Variants in RNF207 observed in about 807,000 individuals in gnomAD.
RNF207 encodes OTTHUMG00000001089.
A neutral mutation model predicts 79.0 loss-of-function variants in RNF207; 72 were observed. The observed-to-expected ratio is 0.91, with a 90% CI of 0.75 to 1.11. The LOEUF (loss-of-function observed/expected upper bound fraction) is 1.11. RNF207 is among the 50% of genes least tolerant of loss of function. The probability of loss-of-function intolerance (pLI) is 0.00; values close to 1 mark genes in which losing one functional copy is unlikely to be tolerated. For synonymous variants in RNF207, 348 were observed against 366.2 expected (o/e 0.95, Z 0.57); for missense variants, 936 against 855.8 (o/e 1.09, Z -1.17).
Position 6,212,321 on chromosome 1 carries a change from A to T in RNF207, c.1387A>T (p.Ile463Phe), listed in dbSNP as rs374585323. ...GCACCACTCGCTCATCAAGGCGGAG[A>T]TCATGGGAGACGTCCTGCACAAGTC... ...TKHHSLIKAE[I>F]MGDVLHKSLQ... is the part of the protein sequence containing the mutation. Residue 463 changes from isoleucine (I) to phenylalanine (F), a missense_variant, in exon 14 of 18, where the codon ATC (isoleucine) becomes TTC (phenylalanine). Physicochemically the swap from Ile to Phe is conservative, Grantham distance 21. Coordinates refer to ENST00000377939, the MANE Select transcript of RNF207 (RefSeq NM_207396.3). The T allele has an allele frequency of 3.3e-5, 53 of 1,613,536 alleles. No individual in the cohort carries two copies. Among genetic ancestry groups the T allele is most frequent in the Non-Finnish European group, 4.5e-5 (53 of 1,179,940 alleles).
In RNF207 at chr1:6,211,012, G is replaced by C. The variant is rs772719030; in HGVS notation, c.1012-9G>C. 2 of 1,606,054 alleles carry C rather than the reference G, an allele frequency of 1.2e-6. No individual in the cohort carries two copies. The highest frequency in any genetic ancestry group is 2.2e-5 in the East Asian group (1 of 44,610). ...GGAGGCCACCTCATGACCCCATCCC[G>C]CTGCCCAGATTGCCAGTGACCACCG... On this transcript the variant is annotated splice_polypyrimidine_tract_variant and intron_variant, in intron 11 of 17. Transcript: ENST00000377939. This position sits in a 1 kb window ranked among gnomAD's most constrained non-coding sequence, Gnocchi z 4.2.
In RNF207 at chr1:6,211,089, G is replaced by A; in HGVS notation, c.1080G>A (p.Arg360=). ...CACTGCTGCTGCTGGGGCCACGTCG[G>A]GTGGCAGCTGCTGCAAGTGGTGCTA... is the stretch of plus-strand genomic sequence containing the variant. ...LEPLLLLGPR[R]VAAAASGANT... is the part of the protein sequence containing the mutation. Residue 360 remains arginine, a synonymous_variant, in exon 12 of 18, where the codon CGG becomes CGA. Coordinates refer to ENST00000377939, the MANE Select transcript of RNF207 (RefSeq NM_207396.3). The surrounding 1 kb of genome is among the most constrained non-coding windows in gnomAD (Gnocchi z 4.2). The A allele has an allele frequency of 6.2e-7, 1 of 1,601,828 alleles. No individual in the cohort carries two copies. Among genetic ancestry groups the A allele is most frequent in the Non-Finnish European group, 8.5e-7 (1 of 1,178,094 alleles).
intron 15 of RNF207, 66 bp downstream of exon 15, chr1:6,212,799 G>A: frequency 7.4e-7 from 1 of 1,342,628 alleles, no homozygotes; most frequent in Non-Finnish European, 1.1e-6. Flanking sequence ...TAGCAGAGGA[G>A]GAAGTCAGAG....
intron 16 of RNF207, among the ~76,000 whole-genome samples, chr1:6,213,752 G>A (rs1430854613): frequency 6.6e-6 from 1 of 152,198 alleles, no homozygotes; most frequent in African/African-American, 2.4e-5. Context: ...AGGACATGGA[G>A]GAGAGGGCAG....
rs1667938341 is a variant in RNF207, at chr1:6,207,087, A to G, written c.192-292A>G. Reference sequence around the variant, plus strand: ...AGTTTCAGTTATGTGGGCTCAAGGAACCCAGGAGTGGCTCTGATTTGCCCA... The same window carrying G: ...AGTTTCAGTTATGTGGGCTCAAGGAGCCCAGGAGTGGCTCTGATTTGCCCA... On this transcript the variant is annotated intron_variant, in intron 2 of 17. Coordinates refer to ENST00000377939, the MANE Select transcript of RNF207 (RefSeq NM_207396.3). The surrounding 1 kb of genome is among the most constrained non-coding windows in gnomAD (Gnocchi z 4.5). 6.6e-6 allele frequency among the ~76,000 whole-genome samples: 1 copy of G among 152,130 alleles called. No individual in the cohort carries two copies. Among genetic ancestry groups the G allele is most frequent in the African/African-American group, 2.4e-5 (1 of 41,430 alleles).
Position 6,219,373 on chromosome 1 carries a change from G to T in RNF207, c.1871G>T (p.Gly624Val). The T allele has an allele frequency of 6.2e-7, 1 of 1,610,518 alleles. No homozygotes were observed. The highest frequency in any genetic ancestry group is 8.5e-7 in the Non-Finnish European group (1 of 1,178,746). Residue 624 changes from glycine (G) to valine (V), a missense_variant, in exon 18 of 18, where the codon GGC becomes GTC. By Grantham distance (109) the Gly-to-Val change is moderately radical. Coordinates refer to ENST00000377939, the MANE Select transcript of RNF207 (RefSeq NM_207396.3). ...CACAGATCCAAACAGAAAAATGGGGGCGATGTCCCCACATGGAGGGAACAC... is the reference window on the plus strand; with the variant it reads ...CACAGATCCAAACAGAAAAATGGGGTCGATGTCCCCACATGGAGGGAACAC... ...DHHRSKQKNG[G>V]DVPTWREHPT is the part of the protein sequence containing the mutation.
In RNF207 at chr1:6,208,938, C is replaced by G; in HGVS notation, c.382C>G (p.Arg128Gly). Residue 128 changes from arginine (R) to glycine (G), a missense_variant, in exon 4 of 18, where the codon CGC becomes GGC. Transcript: ENST00000377939. Reference sequence around the variant, plus strand: ...CGGACAGCCCCTATGCGCGCGCTGCCGCGACGAGACGCACCGAGCACGCAT... The same window carrying G: ...CGGACAGCCCCTATGCGCGCGCTGCGGCGACGAGACGCACCGAGCACGCAT... ...TCGQPLCARC[R>G]DETHRARMFA... The G allele has an allele frequency of 6.5e-7, 1 of 1,535,004 alleles. No individual in the cohort carries two copies. Among genetic ancestry groups the G allele is most frequent in the Non-Finnish European group, 8.7e-7 (1 of 1,145,576 alleles).
rs1410633987 is a variant in RNF207, at chr1:6,212,008, C to T, written c.1251C>T (p.Asn417=). Residue 417 remains asparagine, a synonymous_variant, in exon 13 of 18, where the codon AAC becomes AAT. Transcript: ENST00000377939. ...STKVLLAEGE[N]TPFAEHCRHY... ...AGGTGCTGCTGGCGGAGGGCGAGAA[C>T]ACGCCCTTCGCAGAGCACTGCCGCC... is the stretch of plus-strand genomic sequence containing the variant. 4 of 1,592,976 alleles carry T rather than the reference C, an allele frequency of 2.5e-6. No homozygotes were observed. Among genetic ancestry groups the T allele is most frequent in the Non-Finnish European group, 2.6e-6 (3 of 1,170,938 alleles).
chr1:6,208,117 C>G (rs1188140492), intron 3 of RNF207: 1 of 196,472 alleles, frequency 5.1e-6, no homozygotes, highest in Non-Finnish European at 1.1e-5. Flanking sequence ...TGCGTCCATA[C>G]CAGGGCTGCA....
intron 16 of RNF207, among the ~76,000 whole-genome samples, chr1:6,214,279 TC>T (rs766839008): frequency 2.1e-4 from 32 of 152,324 alleles, no homozygotes; most frequent in South Asian, 8.3e-4. Context: ...GCTTGTAGAA[TC>T]TTCTCTTTGC....
In RNF207 at chr1:6,207,068, A is replaced by AG. The variant is rs1230416244; in HGVS notation, c.192-310dup. On this transcript the variant is annotated intron_variant, in intron 2 of 17. Transcript: ENST00000377939. The surrounding 1 kb of genome is among the most constrained non-coding windows in gnomAD (Gnocchi z 4.5). ...CTTAGGTCCACAAAACCACAGTTTC[A>AG]GTTATGTGGGCTCAAGGAACCCAGG... is the stretch of plus-strand genomic sequence containing the variant. Among the ~76,000 whole-genome samples, 1 of 152,196 alleles carries AG rather than the reference A, an allele frequency of 6.6e-6. No individual in the cohort carries two copies. Among genetic ancestry groups the AG allele is most frequent in the African/African-American group, 2.4e-5 (1 of 41,462 alleles).
chr1:6,213,246 T>C (rs753659442), intron 16 of RNF207, 63 bp downstream of exon 16: 34 of 1,108,100 alleles, frequency 3.1e-5, no homozygotes, highest in Non-Finnish European at 4.2e-5. Context: ...GGGGGCTGGG[T>C]GCGGTGGCTC....
At chr1:6,216,288 G>A (rs1041887094) in intron 16 of RNF207, among the ~76,000 whole-genome samples, 2 of 152,194 alleles carry the variant, frequency 1.3e-5, no homozygotes, top group Non-Finnish European at 2.9e-5. Flanking sequence ...TTCACACCAT[G>A]AATGTATCAA....
At chr1:6,213,221 C>A in intron 16 of RNF207, 38 bp downstream of exon 16, 1 of 1,352,590 alleles carries the variant, frequency 7.4e-7, no homozygotes, top group South Asian at 1.2e-5. Context: ...CACTGAGACT[C>A]TTCAGAATGT....
intron 2 of RNF207, 66 bp downstream of exon 2, chr1:6,206,792 C>T: frequency 1.4e-6 from 2 of 1,401,318 alleles, no homozygotes; most frequent in Non-Finnish European, 1.9e-6. Flanking sequence ...TTGGCTCTGC[C>T]CGAGCTGGGA....
rs969051709 is a variant in RNF207, at chr1:6,206,235, A to G, written c.-68A>G. 3.3e-5 allele frequency: 12 copies of G among 362,212 alleles called. No homozygotes were observed. The East Asian group carries it at 5.3e-4, about 16-fold the overall frequency. 22.4% of individuals were successfully genotyped at this position (362,212 alleles called of 1,614,324 possible). A position where few individuals can be genotyped will look rare whatever the true frequency, so the allele number is the denominator to read the frequency against. On this transcript the variant is annotated 5_prime_UTR_variant, in exon 1 of 18. Coordinates refer to ENST00000377939, the MANE Select transcript of RNF207 (RefSeq NM_207396.3). Reference sequence around the variant, plus strand: ...GTCTCAGAGCGCGGCCCGGAGCCGCACTAAGAGCGCTGGACGGCGGGAGAG... The same window carrying G: ...GTCTCAGAGCGCGGCCCGGAGCCGCGCTAAGAGCGCTGGACGGCGGGAGAG...
Position 6,211,075 on chromosome 1 carries a change from C to G in RNF207, c.1066C>G (p.Leu356Val). The change falls in exon 12 of 18, where the codon CTG becomes GTG. Residue 356 changes from leucine to valine, a missense_variant. Physicochemically the swap from Leu to Val is conservative, Grantham distance 32. Transcript: ENST00000377939. The surrounding 1 kb of genome is among the most constrained non-coding windows in gnomAD (Gnocchi z 4.2). ...GCGCTGTCTGGAGCCACTGCTGCTG[C>G]TGGGGCCACGTCGGGTGGCAGCTGC... Reference protein sequence around the residue: ...FARCLEPLLLLGPRRVAAAAS... With the variant: ...FARCLEPLLLVGPRRVAAAAS... 6.2e-7 allele frequency: 1 copy of G among 1,606,414 alleles called. No individual in the cohort carries two copies.
At chr1:6,209,784 C>A in intron 7 of RNF207, 140 bp from the exon 8 acceptor site, 2 of 1,022,186 alleles carry the variant, frequency 2.0e-6, no homozygotes, top group Non-Finnish European at 2.8e-6. Flanking sequence ...CCCAAGCCCT[C>A]ACCAGGCAGC....
chr1:6,215,585 C>T (rs1359560265), intron 16 of RNF207, among the ~76,000 whole-genome samples: 1 of 152,188 alleles, frequency 6.6e-6, no homozygotes, highest in African/African-American at 2.4e-5. Context: ...ATATCTTACA[C>T]CTCTGAGGCT....
Sources: gnomAD v4.1 joint callset for allele counts (sites outside exome capture counted in the v4.1 genomes callset) on GRCh38, gnomAD v4.1.1 for gene constraint, Gnocchi (gnomAD v3.1) non-coding constraint, MANE v1.5 for transcripts, NCBI Gene and HGNC (gene_info 2026-07-23, HGNC 2026-07-21) for gene names.